Variants in NBPF11 observed in about 807,000 individuals in gnomAD.
NBPF11 encodes the protein NBPF member 11.
Under a neutral mutation model 93.9 loss-of-function variants are expected in NBPF11, and 72 were observed. The observed-to-expected ratio is 0.77, with a 90% CI of 0.63 to 0.93. The LOEUF is 0.93. NBPF11 is among the 40% of genes least tolerant of loss of function. The pLI, the probability that NBPF11 is intolerant of heterozygous loss-of-function variation, is 0.00. For missense variants in NBPF11, 705 were observed against 802.2 expected (o/e 0.88, Z 1.46); for synonymous variants, 224 against 304.9 (o/e 0.73, Z 2.76).
At chr1:148,139,101 A>T (rs1182823713) in intron 2 of NBPF11, among the ~76,000 whole-genome samples, 3 of 151,754 alleles carry the variant, frequency 2.0e-5, no homozygotes, top group Non-Finnish European at 4.4e-5. Flanking sequence ...CCAAAAAAAA[A>T]GATAAAATAA....
At chr1:148,108,306 C>A (rs1308427308) in intron 18 of NBPF11, among the ~76,000 whole-genome samples, 176 bp downstream of exon 18, 1 of 151,700 alleles carries the variant, frequency 6.6e-6, no homozygotes, top group Admixed American at 6.6e-5. Flanking sequence ...GCTCACTGAC[C>A]CATCCCTTGT....
chr1:148,137,807 T>A lies in NBPF11; in HGVS notation c.-274A>T, dbSNP rs1671568500. 1 of 143,848 alleles carries A rather than the reference T, an allele frequency of 7.0e-6. No homozygotes were observed. Among genetic ancestry groups the A allele is most frequent in the Non-Finnish European group, 1.5e-5 (1 of 65,854 alleles). 8.9% of individuals were successfully genotyped at this position (143,848 alleles called of 1,614,324 possible). ...TGTGGCTTTACTGTTATCAATCACA[T>A]TTCTGAAAGAATAAAAATGGTTCAG... On this transcript the variant is annotated splice_region_variant and 5_prime_UTR_variant, in exon 3 of 24. It removes an upstream start codon present in the reference 5' UTR. Transcript: ENST00000682118.
chr1:148,109,760 CA>C (rs1664798060), intron 16 of NBPF11, among the ~76,000 whole-genome samples: 1 of 130,438 alleles, frequency 7.7e-6, no homozygotes, highest in Non-Finnish European at 1.6e-5. Flanking sequence ...GCTCTTGAGT[CA>C]AAATGAAACT....
rs1292174510 is a variant in NBPF11, at chr1:148,106,701, G to A, written c.2251+241C>T. On this transcript the variant is annotated intron_variant, in intron 20 of 23. Coordinates refer to ENST00000682118, the MANE Select transcript of NBPF11 (RefSeq NM_001385469.3). Reference sequence around the variant, plus strand: ...TACATCTGCCTGGGTCCAATGTGCTGAGAGTGGGCTCAGGTTGCCATAGGC... The same window carrying A: ...TACATCTGCCTGGGTCCAATGTGCTAAGAGTGGGCTCAGGTTGCCATAGGC... Among the ~76,000 whole-genome samples the A allele has an allele frequency of 1.1e-4, 17 of 148,822 alleles. No individual in the cohort carries two copies. The South Asian group carries it at 3.6e-3, about 31-fold the overall frequency.
intron 18 of NBPF11, among the ~76,000 whole-genome samples, chr1:148,108,073 G>C (rs1429750990): frequency 6.7e-6 from 1 of 150,162 alleles, no homozygotes; most frequent in Non-Finnish European, 1.5e-5. Context: ...TGGTTGCTAG[G>C]AGAAAAACTG....
intron 3 of NBPF11, 108 bp from the exon 4 acceptor site, chr1:148,135,921 G>C (rs1330929940): frequency 2.6e-6 from 2 of 779,600 alleles, no homozygotes; most frequent in Non-Finnish European, 4.3e-6. Flanking sequence ...TGTGTGGCCT[G>C]AGAGAAGCTC....
In NBPF11 at chr1:148,118,414, A is replaced by G. The variant is rs1409103809; in HGVS notation, c.1091+206T>C. Among the ~76,000 whole-genome samples the G allele has an allele frequency of 1.7e-4, 26 of 151,492 alleles. No individual in the cohort carries two copies. In the South Asian group the frequency reaches 4.6e-3, roughly 27 times the overall value. On this transcript the variant is annotated intron_variant, in intron 11 of 23. Coordinates refer to ENST00000682118, the MANE Select transcript of NBPF11 (RefSeq NM_001385469.3). ...AACAATTACTTGTTTGAAAAAGAGA[A>G]AACAAGGCTCTGAGAAACAACTGCA... is the stretch of plus-strand genomic sequence containing the variant.
intron 1 of NBPF11, among the ~76,000 whole-genome samples, chr1:148,147,075 C>A (rs1288353214): frequency 1.3e-5 from 2 of 152,122 alleles, no homozygotes; most frequent in African/African-American, 2.4e-5. Context: ...GACAGGCGAG[C>A]TTGGGTGTGC....
At chr1:148,124,688 A>T (rs1553272477) in intron 6 of NBPF11, among the ~76,000 whole-genome samples, 1 of 151,966 alleles carries the variant, frequency 6.6e-6, no homozygotes, top group African/African-American at 2.4e-5. Context: ...TACTTGTTTG[A>T]AAAAGAGAAA....
intron 5 of NBPF11, among the ~76,000 whole-genome samples, chr1:148,125,208 T>C (rs1668819179): frequency 1.3e-5 from 2 of 151,964 alleles, no homozygotes; most frequent in African/African-American, 2.4e-5. Context: ...AAAGAGAAAC[T>C]CAAGGGCGCA....
At chr1:148,112,009 C>T (rs1162919180) in intron 15 of NBPF11, among the ~76,000 whole-genome samples, 14 of 148,626 alleles carry the variant, frequency 9.4e-5, no homozygotes, top group East Asian at 5.9e-4. Context: ...AGAGAAAGGT[C>T]GGATTACCCA....
chr1:148,141,524 G>T lies in NBPF11; in HGVS notation c.-277+1891C>A, dbSNP rs1214289843. On this transcript the variant is annotated intron_variant, in intron 2 of 23. Transcript: ENST00000682118. ...GCAGCCCCATACCAAGGTTTTGGTGGCATCCTGTTATTGTTTGGTTAGTAC... is the reference window on the plus strand; with the variant it reads ...GCAGCCCCATACCAAGGTTTTGGTGTCATCCTGTTATTGTTTGGTTAGTAC... Among the ~76,000 whole-genome samples, 3 of 152,130 alleles carry T rather than the reference G, an allele frequency of 2.0e-5. No individual in the cohort carries two copies. The East Asian group carries it at 5.8e-4, about 29-fold the overall frequency.
chr1:148,136,617 T>A (rs1269168009), intron 3 of NBPF11, among the ~76,000 whole-genome samples: 4 of 151,954 alleles, frequency 2.6e-5, no homozygotes, highest in Admixed American at 1.3e-4. Flanking sequence ...TGTGGATCCT[T>A]ACTAAGAAAC....
chr1:148,120,038 G>T (rs1464883538), intron 10 of NBPF11, among the ~76,000 whole-genome samples: 1 of 151,546 alleles, frequency 6.6e-6, no homozygotes, highest in Non-Finnish European at 1.5e-5. Context: ...CTCAGAGCGG[G>T]TACTGGCTAC....
chr1:148,139,821 G>A (rs1169738718), intron 2 of NBPF11, among the ~76,000 whole-genome samples: 1 of 148,944 alleles, frequency 6.7e-6, no homozygotes, highest in East Asian at 2.0e-4. Context: ...AAGCTACTGG[G>A]GACAGCAAGT....
intron 4 of NBPF11, chr1:148,129,519 G>A (rs1413690567): frequency 1.3e-5 from 2 of 153,154 alleles, no homozygotes; most frequent in African/African-American, 4.9e-5. Flanking sequence ...GTGGCGGACG[G>A]GACCTGTTAG....
chr1:148,149,460 C>G, intron 1 of NBPF11: 1 of 1,589,568 alleles, frequency 6.3e-7, no homozygotes, highest in Admixed American at 1.7e-5. Flanking sequence ...GCGGTGGAGC[C>G]GCTGTGGGTG....
Position 148,120,664 on chromosome 1 carries a change from T to C in NBPF11, c.825A>G (p.Ser275=). The change falls in exon 10 of 24, where the codon TCA becomes TCG. Residue 275 remains serine (S), a synonymous_variant. Coordinates refer to ENST00000682118, the MANE Select transcript of NBPF11 (RefSeq NM_001385469.3). Reference sequence around the variant, plus strand: ...CCTTCTCGCTGGACAAAGGGCCGGCTGATACCACCATGCTGACGTTTGTGG... The same window carrying C: ...CCTTCTCGCTGGACAAAGGGCCGGCCGATACCACCATGCTGACGTTTGTGG... The part of the protein sequence containing the change: ...SSATNVSMVV[S]AGPLSSEKAE... 2.0e-6 allele frequency: 3 copies of C among 1,533,568 alleles called. No homozygotes were observed. In the South Asian group the frequency reaches 3.4e-5, roughly 17 times the overall value. 95.0% of individuals were successfully genotyped at this position (1,533,568 alleles called of 1,614,324 possible). A position where few individuals can be genotyped will look rare whatever the true frequency, so the allele number is the denominator to read the frequency against.
intron 1 of NBPF11, among the ~76,000 whole-genome samples, chr1:148,147,578 C>A (rs1673382391): frequency 6.6e-6 from 1 of 152,032 alleles, no homozygotes; most frequent in South Asian, 2.1e-4. Flanking sequence ...GTGGCTTTTC[C>A]TGCTCGCCAT....
Sources: allele counts gnomAD v4.1 joint callset (sites outside exome capture counted in the v4.1 genomes callset), GRCh38; gene constraint gnomAD v4.1.1; transcripts MANE v1.5; gene names NCBI Gene and HGNC (gene_info 2026-07-23, HGNC 2026-07-21).